Variants in SPATA13 observed in about 807,000 individuals in gnomAD.
SPATA13 encodes the protein spermatogenesis-associated protein 13.
A neutral mutation model predicts 104.0 loss-of-function variants in SPATA13; 50 were observed. The ratio of observed to expected loss-of-function variants is 0.48; its 90% CI spans 0.38 to 0.61. SPATA13 has a LOEUF of 0.61. Ranked by LOEUF, SPATA13 falls within the 20% of genes least tolerant of loss-of-function variation. The probability of loss-of-function intolerance (pLI) is 0.00; values close to 1 mark genes in which losing one functional copy is unlikely to be tolerated. For synonymous variants in SPATA13, 606 were observed against 667.5 expected (o/e 0.91, Z 1.42); for missense variants, 1,524 against 1,690.6 (o/e 0.90, Z 1.73).
intron 2 of SPATA13, among the ~76,000 whole-genome samples, chr13:24,235,255 G>A (rs577537887): frequency 6.6e-6 from 1 of 152,268 alleles, no homozygotes; most frequent in African/African-American, 2.4e-5. Flanking sequence ...GAGTCCCTGA[G>A]GTTTAGACCC....
chr13:24,138,281 A>G (rs1176462644), intron 3 of SPATA13, among the ~76,000 whole-genome samples: 2 of 150,210 alleles, frequency 1.3e-5, no homozygotes, highest in African/African-American at 2.5e-5. Flanking sequence ...AGTCCAGCCC[A>G]GGGGACAGAG....
At chr13:24,029,690 G>A (rs1415285784) in intron 3 of SPATA13, among the ~76,000 whole-genome samples, 5 of 152,000 alleles carry the variant, frequency 3.3e-5, no homozygotes, top group Admixed American at 3.3e-4. Flanking sequence ...TTGTGTCATG[G>A]GGGTTTGTTG....
At chr13:24,019,011 G>C (rs1448842473) in intron 3 of SPATA13, among the ~76,000 whole-genome samples, 1 of 151,992 alleles carries the variant, frequency 6.6e-6, no homozygotes, top group East Asian at 1.9e-4. Flanking sequence ...AGACATATTA[G>C]AATTTGGTTG....
intron 3 of SPATA13, among the ~76,000 whole-genome samples, chr13:24,017,936 T>G (rs1487139868): frequency 6.6e-6 from 1 of 152,218 alleles, no homozygotes; most frequent in Non-Finnish European, 1.5e-5. Context: ...AAGTGAGGCC[T>G]CCTCTTAGCA....
intron 2 of SPATA13, among the ~76,000 whole-genome samples, chr13:24,002,141 T>A (rs2137674117): frequency 6.6e-6 from 1 of 152,116 alleles, no homozygotes; most frequent in African/African-American, 2.4e-5. Context: ...AAAAAAGCAG[T>A]GTCATAGCTT....
intron 4 of SPATA13, among the ~76,000 whole-genome samples, chr13:24,277,142 T>A (rs933888903): frequency 1.3e-5 from 2 of 152,150 alleles, no homozygotes; most frequent in African/African-American, 4.8e-5. Flanking sequence ...ATAAAACCAC[T>A]GTTTTAAGAA....
At chr13:24,246,115 C>G (rs1873119436) in intron 2 of SPATA13, among the ~76,000 whole-genome samples, 1 of 152,146 alleles carries the variant, frequency 6.6e-6, no homozygotes, top group African/African-American at 2.4e-5. Context: ...CCCCAAAAAA[C>G]TAACTAAAAA....
rs192926050 is a variant in SPATA13 at position 24,039,177 on chromosome 13, G to T, written c.-112+21476G>T. Among the ~76,000 whole-genome samples, 56 of 152,314 alleles carry T rather than the reference G, an allele frequency of 3.7e-4. 1 individual carries two copies. Among genetic ancestry groups the T allele is most frequent in the Admixed American group, 2.1e-3 (32 of 15,302 alleles). ...GCACACAATGAATAAAACGTTCATGGTGTATGATGTCACCACAGTGCTAGA... is the reference window on the plus strand; with the variant it reads ...GCACACAATGAATAAAACGTTCATGTTGTATGATGTCACCACAGTGCTAGA... On this transcript the variant is annotated intron_variant, in intron 3 of 14. Coordinates refer to the SPATA13 transcript ENST00000424834.
At chr13:24,171,621 C>T (rs1304681010) in intron 1 of SPATA13, among the ~76,000 whole-genome samples, 1 of 152,210 alleles carries the variant, frequency 6.6e-6, no homozygotes, top group Admixed American at 6.5e-5. Flanking sequence ...TGCTGACTTC[C>T]ACATGTTCAG....
intron 3 of SPATA13, among the ~76,000 whole-genome samples, chr13:24,028,628 T>C (rs1877339843): frequency 6.6e-6 from 1 of 152,244 alleles, no homozygotes; most frequent in African/African-American, 2.4e-5. Context: ...ATTCTGAACA[T>C]TGATAACTAC....
intron 1 of SPATA13, among the ~76,000 whole-genome samples, chr13:24,185,361 C>A (rs989664512): frequency 6.6e-6 from 1 of 151,984 alleles, no homozygotes. Flanking sequence ...ATTTTTAGGG[C>A]CCTATAATTT....
chr13:24,095,025 G>A (rs1377176742), intron 3 of SPATA13, among the ~76,000 whole-genome samples: 8 of 152,054 alleles, frequency 5.3e-5, no homozygotes, highest in East Asian at 3.9e-4. Context: ...AAATAGAATC[G>A]CCATGTGATC....
At position 24,249,121 on chromosome 13, in the gene SPATA13, C is replaced by T. The variant is rs541098046; in HGVS notation, c.1654-356C>T. Among the ~76,000 whole-genome samples the T allele has an allele frequency of 5.6e-4, 85 of 152,278 alleles. 1 individual carries two copies. The highest frequency in any genetic ancestry group is 1.8e-3 in the African/African-American group (76 of 41,566). On this transcript the variant is annotated intron_variant, in intron 2 of 12. Transcript: ENST00000382108. ...CTGACCTCAAGTGATCTGCCTGCCT[C>T]GGCCTCCCAGAGTGCTAGGATTACA... is the stretch of plus-strand genomic sequence containing the variant.
chr13:24,249,593 C>T lies in SPATA13; in HGVS notation c.1770C>T (p.Phe590=). 1 of 1,614,062 alleles carries T rather than the reference C, an allele frequency of 6.2e-7. No homozygotes were observed. Among genetic ancestry groups the T allele is most frequent in the Non-Finnish European group, 8.5e-7 (1 of 1,179,912 alleles). The stretch of plus-strand genomic sequence containing the variant: ...GGAGACGGCCAAGGCCTCGGCCATT[C>T]TCTGACTACGGCCAGCTGGCCAGCC... ...GSGRRPRPRP[F]SDYGQLASRS... The change falls in exon 3 of 13, where the codon TTC becomes TTT. Residue 590 remains phenylalanine, a synonymous_variant. Transcript: ENST00000382108.
At chr13:24,199,126 C>T (rs1478001609) in intron 1 of SPATA13, among the ~76,000 whole-genome samples, 5 of 152,040 alleles carry the variant, frequency 3.3e-5, no homozygotes, top group African/African-American at 9.6e-5. Flanking sequence ...TGAGCTCAAG[C>T]GATCCGCCCG....
intron 3 of SPATA13, among the ~76,000 whole-genome samples, chr13:24,116,255 G>A (rs147305408): frequency 6.5e-4 from 99 of 152,342 alleles, no homozygotes; most frequent in African/African-American, 2.3e-3. Context: ...GTGTCCTCAC[G>A]TGATGGACAG....
rs1242828207 is a variant in SPATA13, at chr13:24,088,075, CCTAG to C, written c.-112+70377_-112+70380del. Among the ~76,000 whole-genome samples the C allele has an allele frequency of 2.0e-5, 3 of 152,188 alleles. No homozygotes were observed. The highest frequency in any genetic ancestry group is 7.2e-5 in the African/African-American group (3 of 41,446). On this transcript the variant is annotated intron_variant, in intron 3 of 14. Transcript: ENST00000424834. The surrounding 1 kb of genome is among the most constrained non-coding windows in gnomAD (Gnocchi z 4.3). Reference sequence around the variant, plus strand: ...CTCTAATTTGTGAATCAGCCAAATGCCTAGCTGAGATGAAAGTCCTGGGGTCACA... The same window carrying C: ...CTCTAATTTGTGAATCAGCCAAATGCCTGAGATGAAAGTCCTGGGGTCACA...
intron 3 of SPATA13, among the ~76,000 whole-genome samples, chr13:24,116,368 C>T (rs1880838225): frequency 6.6e-6 from 1 of 152,196 alleles, no homozygotes; most frequent in African/African-American, 2.4e-5. Context: ...CTGCTAACTG[C>T]AGCTGCCATC....
At chr13:24,028,294 G>C (rs1593286595) in intron 3 of SPATA13, among the ~76,000 whole-genome samples, 1 of 152,130 alleles carries the variant, frequency 6.6e-6, no homozygotes, top group East Asian at 1.9e-4. Flanking sequence ...AAGTCTTTTA[G>C]AGAGGATATC....
Sources: allele counts gnomAD v4.1 joint callset (sites outside exome capture counted in the v4.1 genomes callset), GRCh38; gene constraint gnomAD v4.1.1; non-coding constraint Gnocchi (gnomAD v3.1); transcripts MANE v1.5; gene names NCBI Gene and HGNC (gene_info 2026-07-23, HGNC 2026-07-21).